The following TIAM1 variants were observed in gnomAD, a reference collection of about 807,000 sequenced individuals.
TIAM1 encodes rho guanine nucleotide exchange factor TIAM1.
Under a neutral mutation model 163.5 loss-of-function variants are expected in TIAM1, and 65 were observed. That is an observed-to-expected ratio of 0.40 (90% CI 0.33 to 0.49). The LOEUF is 0.49. Among genes scored for constraint, TIAM1 ranks in the 20% least tolerant of loss-of-function variants. TIAM1 has a pLI of 0.77. For synonymous variants in TIAM1, 833 were observed against 810.1 expected, an observed-to-expected ratio of 1.03 and a Z score of -0.48; for missense variants, 1,789 against 2,044.7, an observed-to-expected ratio of 0.87 and a Z score of 2.41.
chr21:31,425,615 T>TTCCC (rs149872196), intron 2 of TIAM1, among the ~76,000 whole-genome samples: 107 of 133,350 alleles, frequency 8.0e-4, no homozygotes, highest in East Asian at 3.7e-3. Flanking sequence ...TTTATTTCAA[T>TTCCC]TCCCTCCCTC....
chr21:31,217,199 C>T (rs1349312755), intron 9 of TIAM1, among the ~76,000 whole-genome samples: 1 of 146,730 alleles, frequency 6.8e-6, no homozygotes, highest in Admixed American at 6.6e-5. Context: ...GAGCGAGACT[C>T]TGTCTCCAAA....
chr21:31,145,694 G>C (rs2083075635), intron 20 of TIAM1, among the ~76,000 whole-genome samples: 2 of 152,162 alleles, frequency 1.3e-5, no homozygotes, highest in African/African-American at 4.8e-5. Context: ...GGATAACTGA[G>C]ACAACTTTAG....
intron 2 of TIAM1, among the ~76,000 whole-genome samples, chr21:31,408,992 T>C (rs1273557726): frequency 7.1e-6 from 1 of 141,176 alleles, no homozygotes. Flanking sequence ...GTCACCCACA[T>C]GCCCCCCCCT....
At chr21:31,158,461 G>T (rs2083737622) in intron 16 of TIAM1, among the ~76,000 whole-genome samples, 1 of 152,154 alleles carries the variant, frequency 6.6e-6, no homozygotes, top group South Asian at 2.1e-4. Flanking sequence ...ACCCTCAGGT[G>T]TAGCACAAGG....
chr21:31,223,284 G>T, intron 8 of TIAM1, 122 bp downstream of exon 8: 1 of 1,075,414 alleles, frequency 9.3e-7, no homozygotes, highest in Non-Finnish European at 1.3e-6. Flanking sequence ...CAAAGGGAGG[G>T]CATTTCAGAA....
chr21:31,317,407 C>T (rs929077933), intron 2 of TIAM1, among the ~76,000 whole-genome samples: 3 of 152,196 alleles, frequency 2.0e-5, no homozygotes, highest in Non-Finnish European at 4.4e-5. Flanking sequence ...GAGCCAAGAT[C>T]GCGCCATTGT....
At chr21:31,314,442 A>T (rs2075037085) in intron 2 of TIAM1, among the ~76,000 whole-genome samples, 1 of 152,224 alleles carries the variant, frequency 6.6e-6, no homozygotes, top group South Asian at 2.1e-4. Flanking sequence ...TAGTCAAAGC[A>T]TTTAATGAAA....
chr21:31,250,571 CCA>C (rs2071746191), intron 5 of TIAM1, among the ~76,000 whole-genome samples: 1 of 152,218 alleles, frequency 6.6e-6, no homozygotes, highest in African/African-American at 2.4e-5. Context: ...CCCAAACCAA[CCA>C]CAGTCTGTGA....
intron 13 of TIAM1, among the ~76,000 whole-genome samples, chr21:31,193,886 G>T (rs1404421566): frequency 6.6e-6 from 1 of 152,184 alleles, no homozygotes; most frequent in Non-Finnish European, 1.5e-5. Flanking sequence ...CGTACAGTAA[G>T]AAGCAGTGAA....
chr21:31,190,292 T>A (rs1321312151), intron 13 of TIAM1, among the ~76,000 whole-genome samples: 1 of 151,988 alleles, frequency 6.6e-6, no homozygotes, highest in African/African-American at 2.4e-5. Flanking sequence ...TGCCTTGTAG[T>A]CCCAGCTACT....
chr21:31,185,944 G>A lies in TIAM1; in HGVS notation c.2662+1057C>T, dbSNP rs76058389. On this transcript the variant is annotated intron_variant, in intron 14 of 27. Coordinates refer to ENST00000541036, the MANE Select transcript of TIAM1 (RefSeq NM_001353694.2). ...AGCCATTCTTCCCTCAGAGGCTTCA[G>A]AGAAATCAATCTTGCCAATACCTTA... Among the ~76,000 whole-genome samples the A allele has an allele frequency of 8.7e-3, 1,321 of 152,258 alleles. 25 individuals carry two copies. Among genetic ancestry groups the A allele is most frequent in the African/African-American group, 0.03 (1,248 of 41,532 alleles).
chr21:31,526,219 G>C (rs2047779917), intron 1 of TIAM1, among the ~76,000 whole-genome samples: 1 of 152,058 alleles, frequency 6.6e-6, no homozygotes, highest in Non-Finnish European at 1.5e-5. Flanking sequence ...GATGAGATCT[G>C]GGTCTTCACA....
Position 31,164,948 on chromosome 21 carries a change from T to C in TIAM1, c.2991+14A>G. ...TGGTTCAAAGCATGGGATGTGAAAA[T>C]GAAAATCTCTCACCTTGCTGCTGTG... On this transcript the variant is annotated intron_variant, in intron 16 of 27. Transcript: ENST00000541036. 6.2e-7 allele frequency: 1 copy of C among 1,613,282 alleles called. No individual in the cohort carries two copies. The highest frequency in any genetic ancestry group is 1.3e-5 in the African/African-American group (1 of 75,022).
chr21:31,489,695 C>A (rs1209572885), intron 1 of TIAM1, among the ~76,000 whole-genome samples: 10 of 151,980 alleles, frequency 6.6e-5, no homozygotes, highest in African/African-American at 2.4e-4. Context: ...TGTAAGGATC[C>A]GGTCCTGAAG....
intron 7 of TIAM1, among the ~76,000 whole-genome samples, chr21:31,225,227 T>C (rs1257251815): frequency 6.6e-6 from 1 of 152,134 alleles, no homozygotes; most frequent in Admixed American, 6.5e-5. Flanking sequence ...CTTGAAATCC[T>C]GGGCTCAAGC....
intron 2 of TIAM1, among the ~76,000 whole-genome samples, chr21:31,306,825 A>G (rs2074731016): frequency 6.6e-6 from 1 of 152,166 alleles, no homozygotes. Flanking sequence ...CCTCCACTGG[A>G]AACCTTCGCC....
chr21:31,195,670 T>C (rs1372486045), intron 12 of TIAM1, among the ~76,000 whole-genome samples: 2 of 152,318 alleles, frequency 1.3e-5, no homozygotes, highest in South Asian at 2.1e-4. Context: ...ATGGAATTCA[T>C]GGAAATAAGA....
chr21:31,210,534 AAAAG>A (rs1214068044), intron 10 of TIAM1, among the ~76,000 whole-genome samples: 5,110 of 55,560 alleles, frequency 0.092, 281 homozygotes, highest in Non-Finnish European at 0.1. Flanking sequence ...GGAAGGAAGG[AAAAG>A]AAAGAAAGAA....
intron 20 of TIAM1, among the ~76,000 whole-genome samples, chr21:31,144,577 G>C (rs763436085): frequency 1.3e-5 from 2 of 151,950 alleles, no homozygotes; most frequent in African/African-American, 2.4e-5. Flanking sequence ...CCTGTAATCC[G>C]AGCACTCCGG....
Sources: gnomAD v4.1 joint callset for allele counts (sites outside exome capture counted in the v4.1 genomes callset) on GRCh38, gnomAD v4.1.1 for gene constraint, MANE v1.5 for transcripts, NCBI Gene and HGNC (gene_info 2026-07-23, HGNC 2026-07-21) for gene names.